DAB2IP: variants seen among roughly 807,000 people sequenced by gnomAD.
DAB2IP encodes disabled homolog 2-interacting protein.
DAB2IP carries 28 observed loss-of-function variants against 107.2 expected under a neutral mutation model. That is an observed-to-expected ratio of 0.26 (90% CI 0.19 to 0.36). The LOEUF (loss-of-function observed/expected upper bound fraction) is 0.36, where lower values mean the gene tolerates loss of function less well. Ranked by LOEUF, DAB2IP falls within the 10% of genes least tolerant of loss-of-function variation. The pLI is 1.00. For missense variants in DAB2IP, 1,400 were observed against 1,644.7 expected (o/e 0.85, Z 2.57); for synonymous variants, 755 against 706.4 (o/e 1.07, Z -1.09).
chr9:121,612,458 T>C (rs1428625563), intron 1 of DAB2IP, among the ~76,000 whole-genome samples: 2 of 152,080 alleles, frequency 1.3e-5, no homozygotes, highest in Non-Finnish European at 2.9e-5. Context: ...AAGGGGATAA[T>C]AGAGAAAAAG....
chr9:121,697,884 C>T (rs1382664517), intron 2 of DAB2IP, among the ~76,000 whole-genome samples: 1 of 152,212 alleles, frequency 6.6e-6, no homozygotes, highest in African/African-American at 2.4e-5. Context: ...CTTGAATTAG[C>T]CAGGCCCGGA....
At chr9:121,607,994 G>A (rs887511833) in intron 1 of DAB2IP, among the ~76,000 whole-genome samples, 8 of 152,352 alleles carry the variant, frequency 5.3e-5, no homozygotes, top group Admixed American at 1.3e-4. Context: ...CAGAGGGAAC[G>A]CAATCAAAGC....
chr9:121,608,981 G>C (rs532172598), intron 1 of DAB2IP, among the ~76,000 whole-genome samples: 8 of 152,078 alleles, frequency 5.3e-5, no homozygotes, highest in Admixed American at 2.6e-4. Flanking sequence ...TCGCTCTGTC[G>C]CCCAGGCTAG....
intron 1 of DAB2IP, among the ~76,000 whole-genome samples, chr9:121,569,664 A>C (rs995508206): frequency 5.9e-5 from 9 of 152,172 alleles, no homozygotes; most frequent in Non-Finnish European, 4.4e-5. Context: ...TACTAAAAAC[A>C]CAAAAAATTA....
rs1829849465 is a variant in DAB2IP at position 121,702,704 on chromosome 9, G to A, written c.362+3246G>A. 1.3e-5 allele frequency among the ~76,000 whole-genome samples: 2 copies of A among 152,192 alleles called. No homozygotes were observed. Among genetic ancestry groups the A allele is most frequent in the South Asian group, 4.1e-4 (2 of 4,830 alleles). ...TGTTGGTAAAAGTGATATAGAGGAT[G>A]TGGTTCTGTCAGCCCAGAGGATAAT... On this transcript the variant is annotated intron_variant, in intron 3 of 15. Transcript: ENST00000408936. The surrounding 1 kb of genome is among the most constrained non-coding windows in gnomAD (Gnocchi z 4.5).
At chr9:121,677,863 T>A (rs1828344722) in intron 1 of DAB2IP, among the ~76,000 whole-genome samples, 1 of 152,144 alleles carries the variant, frequency 6.6e-6, no homozygotes, top group South Asian at 2.1e-4. Context: ...GGTTTCACCA[T>A]GTTGACCAGG....
chr9:121,763,502 C>A lies in DAB2IP; in HGVS notation c.1171-3C>A, dbSNP rs1834047122. On this transcript the variant is annotated splice_polypyrimidine_tract_variant and splice_region_variant and intron_variant, in intron 6 of 15. Coordinates refer to ENST00000408936, the Ensembl canonical transcript of DAB2IP. ...CTGCTCTCTCCACCTCCTGCCTCCC[C>A]AGGACTTCCTGACAGACCTGATGAT... 2.5e-6 allele frequency: 4 copies of A among 1,610,886 alleles called. No individual in the cohort carries two copies. In the African/African-American group the frequency reaches 5.3e-5, roughly 21 times the overall value.
chr9:121,605,794 C>A (rs1454190830), intron 1 of DAB2IP, among the ~76,000 whole-genome samples: 1 of 152,206 alleles, frequency 6.6e-6, no homozygotes, highest in Non-Finnish European at 1.5e-5. Flanking sequence ...GCATGAGCCA[C>A]CGCACCTGGC....
chr9:121,602,046 T>TC (rs1554847244), intron 1 of DAB2IP, among the ~76,000 whole-genome samples: 1 of 151,648 alleles, frequency 6.6e-6, no homozygotes, highest in Non-Finnish European at 1.5e-5. Flanking sequence ...CCACTCCCAC[T>TC]CCCCCCCAAC....
At chr9:121,674,572 G>T (rs745905719) in intron 1 of DAB2IP, among the ~76,000 whole-genome samples, 1 of 152,170 alleles carries the variant, frequency 6.6e-6, no homozygotes, top group Non-Finnish European at 1.5e-5. Context: ...CTTCTGAATG[G>T]AAGTTAAAGA....
Position 121,578,508 on chromosome 9 carries a change from A to C in DAB2IP, c.40+11280A>C, listed in dbSNP as rs967541477. Among the ~76,000 whole-genome samples, 4 of 151,762 alleles carry C rather than the reference A, an allele frequency of 2.6e-5. No individual in the cohort carries two copies. In the East Asian group the frequency reaches 7.8e-4, roughly 30 times the overall value. ...CGACAGCTTCTCCGTGGCCCTTCCA[A>C]GCCCCGGGGGATTTTTGCTTCAGTT... On this transcript the variant is annotated intron_variant, in intron 1 of 16. Transcript: ENST00000259371.
intron 3 of DAB2IP, among the ~76,000 whole-genome samples, chr9:121,719,092 T>G (rs2118809030): frequency 6.6e-6 from 1 of 152,318 alleles, no homozygotes; most frequent in Middle Eastern, 3.4e-3. Context: ...TCATAGCTCC[T>G]CAGAACCTCC....
chr9:121,691,570 T>A (rs1479279947), intron 2 of DAB2IP, among the ~76,000 whole-genome samples: 2 of 151,690 alleles, frequency 1.3e-5, no homozygotes, highest in Non-Finnish European at 2.9e-5. Flanking sequence ...ACCGCAATGA[T>A]AGCAGTTCGT....
intron 1 of DAB2IP, chr9:121,576,119 A>G (rs597891): frequency 0.58 from 88,132 of 151,946 alleles, 26,531 homozygotes; most frequent in Middle Eastern, 0.71. Flanking sequence ...GGGGCTGTCC[A>G]TCTCTACCTG....
chr9:121,722,221 C>T (rs1564179320), intron 3 of DAB2IP, among the ~76,000 whole-genome samples: 1 of 152,214 alleles, frequency 6.6e-6, no homozygotes, highest in Non-Finnish European at 1.5e-5. Context: ...ATTTGCTCTC[C>T]TGCAGCTCCT....
chr9:121,673,350 CT>C (rs1339268747), intron 1 of DAB2IP, among the ~76,000 whole-genome samples: 3 of 152,256 alleles, frequency 2.0e-5, no homozygotes, highest in Middle Eastern at 3.4e-3. Context: ...GAGGTAGTCA[CT>C]TTTGCTTCTC....
intron 3 of DAB2IP, among the ~76,000 whole-genome samples, chr9:121,754,867 G>A (rs1157743531): frequency 6.6e-6 from 1 of 152,132 alleles, no homozygotes; most frequent in Non-Finnish European, 1.5e-5. Flanking sequence ...GCAGGAGGCG[G>A]CCTCAGCTCA....
Position 121,701,943 on chromosome 9 carries a change from G to C in DAB2IP, c.362+2485G>C, listed in dbSNP as rs888640436. ...GACCCCCACTGGCTGCCATGCCTCT[G>C]GCTGGGGAGAGGGTAAGTGCCAAGA... On this transcript the variant is annotated intron_variant, in intron 3 of 15. Coordinates refer to ENST00000408936, the Ensembl canonical transcript of DAB2IP. This position sits in a 1 kb window ranked among gnomAD's most constrained non-coding sequence, Gnocchi z 4.7. Among the ~76,000 whole-genome samples the C allele has an allele frequency of 3.3e-5, 5 of 152,156 alleles. No individual in the cohort carries two copies. Among genetic ancestry groups the C allele is most frequent in the Non-Finnish European group, 5.9e-5 (4 of 68,040 alleles).
intron 3 of DAB2IP, among the ~76,000 whole-genome samples, chr9:121,712,120 C>T (rs143581508): frequency 1.3e-4 from 20 of 152,356 alleles, no homozygotes; most frequent in Middle Eastern, 3.4e-3. Flanking sequence ...GACTCCTCTG[C>T]TTTTCCTGGC....
Sources: gnomAD v4.1 joint callset for allele counts (sites outside exome capture counted in the v4.1 genomes callset) on GRCh38, gnomAD v4.1.1 for gene constraint, Gnocchi (gnomAD v3.1) non-coding constraint, MANE v1.5 for transcripts, NCBI Gene and HGNC (gene_info 2026-07-23, HGNC 2026-07-21) for gene names.